Variants in TACC1 observed in about 807,000 individuals in gnomAD.
The protein encoded by TACC1 is transforming acidic coiled-coil-containing protein 1.
In TACC1, 48 loss-of-function variants were observed where a neutral mutation model predicts 84.4. That is an observed-to-expected ratio of 0.57 (90% CI 0.45 to 0.72). TACC1 has a LOEUF of 0.72. TACC1 is among the 30% of genes least tolerant of loss of function. TACC1 has a pLI of 0.00. For synonymous variants in TACC1, 372 were observed against 376.3 expected (o/e 0.99, Z 0.13); for missense variants, 920 against 973.0 (o/e 0.95, Z 0.72).
intron 11 of TACC1, among the ~76,000 whole-genome samples, chr8:38,844,598 A>G (rs1445823081): frequency 6.6e-6 from 1 of 152,038 alleles, no homozygotes; most frequent in Non-Finnish European, 1.5e-5. Flanking sequence ...TTCTTTGCCC[A>G]TTTTCCTATT....
At chr8:38,843,927 G>A (rs1831735579) in intron 11 of TACC1, among the ~76,000 whole-genome samples, 1 of 152,118 alleles carries the variant, frequency 6.6e-6, no homozygotes, top group African/African-American at 2.4e-5. Flanking sequence ...TTTATGATCT[G>A]TATGTTAGAA....
chr8:38,766,721 G>A (rs1420530108), intron 3 of TACC1, among the ~76,000 whole-genome samples: 1 of 152,212 alleles, frequency 6.6e-6, no homozygotes, highest in Non-Finnish European at 1.5e-5. Context: ...TGGATCCCAT[G>A]AAATAGACAT....
intron 2 of TACC1, among the ~76,000 whole-genome samples, chr8:38,789,061 TCTC>T (rs1421667647): frequency 6.6e-6 from 1 of 152,094 alleles, no homozygotes; most frequent in Non-Finnish European, 1.5e-5. Flanking sequence ...ACTAGGCCTT[TCTC>T]CTCAGCCCCT....
chr8:38,843,429 A>G (rs376465871), intron 11 of TACC1, 34 bp downstream of exon 11: 3 of 1,511,652 alleles, frequency 2.0e-6, no homozygotes, highest in Non-Finnish European at 2.7e-6. Context: ...TTCACTCTTC[A>G]TGATGTTGTG....
chr8:38,808,762 G>A (rs767829818), intron 2 of TACC1, among the ~76,000 whole-genome samples: 1 of 152,206 alleles, frequency 6.6e-6, no homozygotes, highest in African/African-American at 2.4e-5. Context: ...CTGGTACTGA[G>A]ACACTTGCTG....
In TACC1 at chr8:38,849,733, C is replaced by G. The variant is rs1016866666; in HGVS notation, c.*1710C>G. 1.3e-5 allele frequency: 2 copies of G among 152,558 alleles called. No individual in the cohort carries two copies. Among genetic ancestry groups the G allele is most frequent in the African/African-American group, 2.4e-5 (1 of 41,422 alleles). The allele number at this position is 152,558 out of a possible 1,614,324, so 9.5% of individuals were successfully genotyped here. On this transcript the variant is annotated 3_prime_UTR_variant, in exon 13 of 13. Coordinates refer to ENST00000317827, the MANE Select transcript of TACC1 (RefSeq NM_006283.3). ...TTGGTGCTTAGGCTGTATATTCAAGCCTGTTGTCTTAACATTTTGTATAAA... is the reference window on the plus strand; with the variant it reads ...TTGGTGCTTAGGCTGTATATTCAAGGCTGTTGTCTTAACATTTTGTATAAA...
intron 5 of TACC1, among the ~76,000 whole-genome samples, chr8:38,829,399 C>T (rs1828773593): frequency 6.6e-6 from 1 of 152,196 alleles, no homozygotes; most frequent in Admixed American, 6.5e-5. Context: ...TCACCATTCC[C>T]CCAGTTTCTT....
chr8:38,824,469 AGAT>A (rs1243795056), intron 3 of TACC1, among the ~76,000 whole-genome samples: 1 of 152,268 alleles, frequency 6.6e-6, no homozygotes, highest in African/African-American at 2.4e-5. Flanking sequence ...CTCAGTAAGA[AGAT>A]TAGGGAAAGA....
At chr8:38,847,806 C>T in intron 12 of TACC1, 149 bp from the exon 13 acceptor site, 3 of 568,144 alleles carry the variant, frequency 5.3e-6, no homozygotes, top group African/African-American at 1.9e-5. Context: ...GCCTTTTTTT[C>T]TTTAAAGCAT....
Position 38,840,253 on chromosome 8 carries a change from T to G in TACC1, c.1946T>G (p.Ile649Ser). The G allele has an allele frequency of 6.2e-7, 1 of 1,612,966 alleles. No individual in the cohort carries two copies. The highest frequency in any genetic ancestry group is 8.5e-7 in the Non-Finnish European group (1 of 1,179,180). The change falls in exon 9 of 13, where the codon ATT becomes AGT. Residue 649 changes from isoleucine (I) to serine (S), a missense_variant. By Grantham distance (142) the Ile-to-Ser change is moderately radical. Coordinates refer to ENST00000317827, the MANE Select transcript of TACC1 (RefSeq NM_006283.3). ...ATTGTAGCTGAATATGAAAAGACTA[T>G]TGCTCAAATGATTGGTAAGGAGAAC... ...RKIVAEYEKT[I>S]AQMIEDEQRT...
chr8:38,765,652 G>A (rs1401660792), intron 3 of TACC1, among the ~76,000 whole-genome samples: 1 of 151,952 alleles, frequency 6.6e-6, no homozygotes, highest in Non-Finnish European at 1.5e-5. Flanking sequence ...AGTATTAATT[G>A]ACTGCCTTCT....
At chr8:38,783,425 CTT>C (rs781284271), upstream of TACC1, among the ~76,000 whole-genome samples, 21 of 141,438 alleles carry the variant, frequency 1.5e-4, no homozygotes, top group Admixed American at 2.1e-4. Flanking sequence ...AGAGTATTTT[CTT>C]TTTTTTTTTT....
In TACC1 at chr8:38,851,282, T is replaced by G. The variant is rs1021414961; in HGVS notation, c.*3259T>G. ...ATTTTCTTTCCAGCCAGTTACCCTTTCAACCTACCCATACTTTGTACAACT... is the reference window on the plus strand; with the variant it reads ...ATTTTCTTTCCAGCCAGTTACCCTTGCAACCTACCCATACTTTGTACAACT... On this transcript the variant is annotated 3_prime_UTR_variant, in exon 13 of 13. Coordinates refer to ENST00000317827, the MANE Select transcript of TACC1 (RefSeq NM_006283.3). 7 of 152,254 alleles carry G rather than the reference T, an allele frequency of 4.6e-5. No individual in the cohort carries two copies. The highest frequency in any genetic ancestry group is 1.7e-4 in the African/African-American group (7 of 41,470). 9.4% of individuals were successfully genotyped at this position (152,254 alleles called of 1,614,324 possible).
chr8:38,829,525 T>C (rs1828796769), intron 5 of TACC1, among the ~76,000 whole-genome samples: 1 of 152,204 alleles, frequency 6.6e-6, no homozygotes, highest in Non-Finnish European at 1.5e-5. Context: ...CAGCATGCTT[T>C]TGCTCCCACA....
intron 1 of TACC1, among the ~76,000 whole-genome samples, chr8:38,741,305 G>A (rs1807025146): frequency 6.6e-6 from 1 of 151,924 alleles, no homozygotes; most frequent in South Asian, 2.1e-4. Context: ...ACAGGCACCC[G>A]CCACCATGCC....
At chr8:38,732,710 C>T (rs192023573) in intron 1 of TACC1, among the ~76,000 whole-genome samples, 18 of 152,224 alleles carry the variant, frequency 1.2e-4, no homozygotes, top group Admixed American at 1.1e-3. Context: ...TTATTATCCC[C>T]GGTTTGCAAA....
chr8:38,744,706 G>T (rs1256935540), intron 2 of TACC1, among the ~76,000 whole-genome samples: 1 of 150,946 alleles, frequency 6.6e-6, no homozygotes, highest in Non-Finnish European at 1.5e-5. Context: ...TGCCCATCAG[G>T]GTCCATAGGA....
intron 3 of TACC1, among the ~76,000 whole-genome samples, chr8:38,772,823 C>G (rs1025694060): frequency 3.3e-5 from 5 of 151,564 alleles, no homozygotes; most frequent in Non-Finnish European, 2.9e-5. Flanking sequence ...TAAATTGATA[C>G]TTGTTAACAT....
At chr8:38,833,841 T>G (rs1829729793) in intron 6 of TACC1, among the ~76,000 whole-genome samples, 1 of 152,196 alleles carries the variant, frequency 6.6e-6, no homozygotes, top group Admixed American at 6.5e-5. Flanking sequence ...GGACTCTGGC[T>G]TAAACTAAGA....
Sources: gnomAD v4.1 joint callset for allele counts (sites outside exome capture counted in the v4.1 genomes callset) on GRCh38, gnomAD v4.1.1 for gene constraint, MANE v1.5 for transcripts, NCBI Gene and HGNC (gene_info 2026-07-23, HGNC 2026-07-21) for gene names.